The following HECW2 variants were observed in gnomAD, a reference collection of about 807,000 sequenced individuals.
HECW2 encodes E3 ubiquitin-protein ligase HECW2.
A neutral mutation model predicts 175.2 loss-of-function variants in HECW2; 61 were observed. The ratio of observed to expected loss-of-function variants is 0.35; its 90% CI spans 0.28 to 0.43. The LOEUF (loss-of-function observed/expected upper bound fraction) is 0.43. Among genes scored for constraint, HECW2 ranks in the 20% least tolerant of loss-of-function variants. The probability of loss-of-function intolerance (pLI) is 1.00; values close to 1 mark genes in which losing one functional copy is unlikely to be tolerated. For missense variants in HECW2, 1,524 were observed against 2,000.5 expected (o/e 0.76, Z 4.54); for synonymous variants, 671 against 731.0 (o/e 0.92, Z 1.32).
intron 17 of HECW2, among the ~76,000 whole-genome samples, chr2:196,267,808 T>A (rs552778601): frequency 6.6e-6 from 1 of 152,306 alleles, no homozygotes; most frequent in East Asian, 1.9e-4. Flanking sequence ...GTATACCTAC[T>A]TCAATCTCTC....
intron 2 of HECW2, among the ~76,000 whole-genome samples, chr2:196,348,132 G>A (rs1693028257): frequency 6.6e-6 from 1 of 152,096 alleles, no homozygotes; most frequent in East Asian, 1.9e-4. Flanking sequence ...TAAATTTTTT[G>A]TTCACATCTT....
intron 2 of HECW2, among the ~76,000 whole-genome samples, chr2:196,369,487 T>C (rs1010302178): frequency 6.6e-6 from 1 of 151,852 alleles, no homozygotes; most frequent in Non-Finnish European, 1.5e-5. Flanking sequence ...CAGCACTGGG[T>C]CTCACCCAAG....
At chr2:196,278,804 T>C (rs1690076500) in intron 14 of HECW2, 142 bp from the exon 15 acceptor site, 3 of 912,804 alleles carry the variant, frequency 3.3e-6, no homozygotes, top group Non-Finnish European at 5.1e-6. Context: ...TGGGGAAATT[T>C]CTCCTTACCC....
intron 2 of HECW2, among the ~76,000 whole-genome samples, chr2:196,343,968 G>C (rs1429193380): frequency 6.6e-6 from 1 of 152,184 alleles, no homozygotes; most frequent in Non-Finnish European, 1.5e-5. Context: ...TGGGGGGAAA[G>C]AAGATGGCAT....
chr2:196,548,831 G>A lies in HECW2; in HGVS notation c.-36+44677C>T, dbSNP rs111686290. 4.6e-3 allele frequency among the ~76,000 whole-genome samples: 705 copies of A among 152,226 alleles called. 8 individuals are homozygous for A. The highest frequency in any genetic ancestry group is 0.016 in the African/African-American group (675 of 41,526). ...CCCTCACCTTGGCTTATAGGTGGCG[G>A]TCTTTCTCCTATGCCTCCTCACATA... On this transcript the variant is annotated intron_variant, in intron 1 of 28. Coordinates refer to ENST00000644978, the MANE Select transcript of HECW2 (RefSeq NM_001348768.2).
chr2:196,473,823 C>G (rs1697313313), intron 1 of HECW2, among the ~76,000 whole-genome samples: 1 of 152,224 alleles, frequency 6.6e-6, no homozygotes, highest in Non-Finnish European at 1.5e-5. Flanking sequence ...GAATGCCACT[C>G]TGTAACACAA....
intron 1 of HECW2, among the ~76,000 whole-genome samples, chr2:196,513,452 G>A (rs1688029424): frequency 6.6e-6 from 1 of 152,198 alleles, no homozygotes; most frequent in African/African-American, 2.4e-5. Flanking sequence ...CGAGACTGCA[G>A]TGAGCCATGA....
intron 1 of HECW2, among the ~76,000 whole-genome samples, chr2:196,465,552 C>A (rs1470954786): frequency 6.6e-6 from 1 of 151,932 alleles, no homozygotes; most frequent in Non-Finnish European, 1.5e-5. Context: ...GTAAAGTCAC[C>A]ATTTTTTCTA....
chr2:196,256,814 A>G (rs1689073834), intron 18 of HECW2, among the ~76,000 whole-genome samples: 1 of 152,234 alleles, frequency 6.6e-6, no homozygotes, highest in Non-Finnish European at 1.5e-5. Context: ...TTAGGTTGAG[A>G]AGCTACCCCC....
chr2:196,392,797 A>G (rs1273608127), intron 2 of HECW2, among the ~76,000 whole-genome samples: 3 of 152,212 alleles, frequency 2.0e-5, no homozygotes, highest in African/African-American at 2.4e-5. Context: ...CGTATTGGAA[A>G]AAACTACTTT....
In HECW2 at chr2:196,198,115, C is replaced by A. The variant is rs1434286990; in HGVS notation, c.*3162G>T. 6.6e-6 allele frequency: 1 copy of A among 152,088 alleles called. No individual in the cohort carries two copies. The highest frequency in any genetic ancestry group is 1.5e-5 in the Non-Finnish European group (1 of 68,016). 9.4% of individuals were successfully genotyped at this position (152,088 alleles called of 1,614,324 possible). ...GGATTGGGATTTTTCACACTGAAAACCAATGGTGCATTGTAGAATAGATGA... is the reference window on the plus strand; with the variant it reads ...GGATTGGGATTTTTCACACTGAAAAACAATGGTGCATTGTAGAATAGATGA... On this transcript the variant is annotated 3_prime_UTR_variant, in exon 29 of 29. Coordinates refer to ENST00000644978, the MANE Select transcript of HECW2 (RefSeq NM_001348768.2).
chr2:196,441,624 G>T (rs1433707055), intron 1 of HECW2, among the ~76,000 whole-genome samples: 1 of 152,042 alleles, frequency 6.6e-6, no homozygotes, highest in African/African-American at 2.4e-5. Context: ...TTCCACCAAA[G>T]CTCCCCCTCC....
chr2:196,235,510 A>C (rs1455657605), intron 21 of HECW2, among the ~76,000 whole-genome samples: 4 of 152,130 alleles, frequency 2.6e-5, no homozygotes, highest in Admixed American at 2.6e-4. Flanking sequence ...AAATTTTCCC[A>C]TCATTTCTCT....
chr2:196,246,342 A>G (rs1253934297), intron 19 of HECW2, among the ~76,000 whole-genome samples: 1 of 152,202 alleles, frequency 6.6e-6, no homozygotes, highest in Non-Finnish European at 1.5e-5. Flanking sequence ...AGAGAGAAAA[A>G]TGAAGAACAA....
At chr2:196,448,416 G>A (rs1696248440) in intron 1 of HECW2, among the ~76,000 whole-genome samples, 1 of 152,130 alleles carries the variant, frequency 6.6e-6, no homozygotes, top group South Asian at 2.1e-4. Context: ...TTTTAAGTCT[G>A]ATTTTATTCC....
chr2:196,306,837 AT>A (rs1436823943), intron 12 of HECW2, among the ~76,000 whole-genome samples: 1 of 152,224 alleles, frequency 6.6e-6, no homozygotes, highest in African/African-American at 2.4e-5. Flanking sequence ...TACTATGAAC[AT>A]TTTAATGCAT....
In HECW2 at chr2:196,215,792, T is replaced by G. The variant is rs1687455306; in HGVS notation, c.4607+73A>C. On this transcript the variant is annotated intron_variant, in intron 28 of 28. Coordinates refer to ENST00000644978, the MANE Select transcript of HECW2 (RefSeq NM_001348768.2). ...AAACTTTTAATATAAAAGCAGTAAT[T>G]AATCAATATATACATAAATGAATGT... 4 of 1,035,418 alleles carry G rather than the reference T, an allele frequency of 3.9e-6. No homozygotes were observed. The Admixed American group carries it at 8.0e-5, about 21-fold the overall frequency. 64.1% of individuals were successfully genotyped at this position (1,035,418 alleles called of 1,614,324 possible).
intron 2 of HECW2, among the ~76,000 whole-genome samples, chr2:196,418,111 G>A (rs1695303748): frequency 6.6e-6 from 1 of 151,748 alleles, no homozygotes; most frequent in African/African-American, 2.4e-5. Context: ...ACTTAATTTT[G>A]TAGAGGGAAA....
chr2:196,469,624 T>C (rs1337194928), intron 1 of HECW2, among the ~76,000 whole-genome samples: 1 of 152,112 alleles, frequency 6.6e-6, no homozygotes, highest in Non-Finnish European at 1.5e-5. Flanking sequence ...TTTACATATG[T>C]CATTAAATAG....
Sources: gnomAD v4.1 joint callset for allele counts (sites outside exome capture counted in the v4.1 genomes callset) on GRCh38, gnomAD v4.1.1 for gene constraint, MANE v1.5 for transcripts, NCBI Gene and HGNC (gene_info 2026-07-23, HGNC 2026-07-21) for gene names.